The following PTPRC variants were observed in gnomAD, a reference collection of about 807,000 sequenced individuals.
The protein encoded by PTPRC is receptor-type tyrosine-protein phosphatase C.
Under a neutral mutation model 155.9 loss-of-function variants are expected in PTPRC, and 44 were observed. The observed-to-expected ratio is 0.28, with a 90% CI of 0.22 to 0.36. The LOEUF is 0.36. Ranked by LOEUF, PTPRC falls within the 10% of genes least tolerant of loss-of-function variation. The pLI is 1.00. For missense variants in PTPRC, 1,401 were observed against 1,564.6 expected (o/e 0.90, Z 1.76); for synonymous variants, 525 against 533.1 (o/e 0.98, Z 0.21).
rs559029320 is a variant in PTPRC, at chr1:198,754,616, A to AGTT, written c.3645+213_3645+215dup. Among the ~76,000 whole-genome samples the AGTT allele has an allele frequency of 1.8e-3, 280 of 152,086 alleles. 1 individual carries two copies. The highest frequency in any genetic ancestry group is 6.5e-3 in the African/African-American group (270 of 41,522). On this transcript the variant is annotated intron_variant, in intron 32 of 32. Coordinates refer to ENST00000442510, the MANE Select transcript of PTPRC (RefSeq NM_002838.5). ...ATTATAAGTCTAAATAAGAGCCTAA[A>AGTT]GTTTACTAGCACTTTGTTGTGACAG...
chr1:198,702,123 T>G (rs1183550927), intron 5 of PTPRC, among the ~76,000 whole-genome samples: 1 of 152,236 alleles, frequency 6.6e-6, no homozygotes, highest in Non-Finnish European at 1.5e-5. Flanking sequence ...CTTCTTGGGC[T>G]GTCCAAACTA....
At chr1:198,665,038 C>A (rs1664197746) in intron 2 of PTPRC, among the ~76,000 whole-genome samples, 1 of 147,700 alleles carries the variant, frequency 6.8e-6, no homozygotes, top group Non-Finnish European at 1.5e-5. Context: ...GGATTGGAGT[C>A]AGTACAAGGG....
intron 16 of PTPRC, 41 bp from the exon 17 acceptor site, chr1:198,729,096 C>T (rs1371016658): frequency 6.2e-7 from 1 of 1,601,234 alleles, no homozygotes; most frequent in African/African-American, 1.3e-5. Flanking sequence ...GAATTTTGTG[C>T]TTCTTGAGAA....
intron 2 of PTPRC, among the ~76,000 whole-genome samples, chr1:198,687,662 T>G (rs1180951378): frequency 6.6e-6 from 1 of 152,114 alleles, no homozygotes; most frequent in East Asian, 1.9e-4. Context: ...TTAACTAAGC[T>G]ATTTTATATA....
intron 26 of PTPRC, among the ~76,000 whole-genome samples, chr1:198,744,837 T>A (rs1207311470): frequency 1.3e-5 from 2 of 151,730 alleles, no homozygotes; most frequent in African/African-American, 4.8e-5. Context: ...ACTGGTAAAT[T>A]CAGAGTTTCT....
At chr1:198,709,387 T>G (rs1403517267) in intron 10 of PTPRC, among the ~76,000 whole-genome samples, 3 of 152,172 alleles carry the variant, frequency 2.0e-5, no homozygotes, top group Admixed American at 6.5e-5. Context: ...GCATTTGAAC[T>G]TGTGTCCTCT....
At chr1:198,745,896 G>C (rs192572362) in intron 26 of PTPRC, among the ~76,000 whole-genome samples, 1 of 151,766 alleles carries the variant, frequency 6.6e-6, no homozygotes, top group Admixed American at 6.6e-5. Flanking sequence ...CAGATTGCTA[G>C]GTTGAACATA....
chr1:198,749,829 T>G (rs960406462), intron 28 of PTPRC, among the ~76,000 whole-genome samples: 1 of 151,828 alleles, frequency 6.6e-6, no homozygotes, highest in African/African-American at 2.4e-5. Flanking sequence ...ATAGTAAAAT[T>G]TGAGCAAATA....
At chr1:198,661,116 A>G (rs924702062) in intron 2 of PTPRC, among the ~76,000 whole-genome samples, 2 of 152,130 alleles carry the variant, frequency 1.3e-5, no homozygotes, top group Admixed American at 1.3e-4. Context: ...ATATTTTGAA[A>G]TTTGTGGTTT....
chr1:198,733,216 T>G (rs938919790), intron 20 of PTPRC, among the ~76,000 whole-genome samples: 47 of 151,850 alleles, frequency 3.1e-4, no homozygotes, highest in Middle Eastern at 6.8e-3. Context: ...ATTCTTTTTG[T>G]CTCCCCAAAT....
intron 3 of PTPRC, chr1:198,695,313 T>C: frequency 1.9e-6 from 1 of 516,178 alleles, no homozygotes; most frequent in Non-Finnish European, 2.5e-6. Flanking sequence ...TTGCCCAATC[T>C]TGTTGAACTG....
At chr1:198,727,646 C>T (rs1654200886) in intron 15 of PTPRC, among the ~76,000 whole-genome samples, 1 of 152,118 alleles carries the variant, frequency 6.6e-6, no homozygotes, top group African/African-American at 2.4e-5. Context: ...AGCAGTCGGG[C>T]TCTGGAGCTG....
chr1:198,737,111 T>G (rs1204437057), intron 23 of PTPRC, among the ~76,000 whole-genome samples: 2 of 151,824 alleles, frequency 1.3e-5, no homozygotes, highest in Admixed American at 1.3e-4. Flanking sequence ...GATGGATAGT[T>G]GGCAAATATT....
At chr1:198,721,007 C>T (rs976742759) in intron 14 of PTPRC, among the ~76,000 whole-genome samples, 11 of 152,128 alleles carry the variant, frequency 7.2e-5, no homozygotes, top group Non-Finnish European at 1.0e-4. Context: ...CTCTTCAAAT[C>T]GTATAAGTTA....
rs1175829765 is a variant in PTPRC, at chr1:198,756,472, G to GAGAC, written c.*295_*298dup. 7.3e-6 allele frequency: 2 copies of GAGAC among 275,802 alleles called. No homozygotes were observed. Among genetic ancestry groups the GAGAC allele is most frequent in the Non-Finnish European group, 1.4e-5 (2 of 145,898 alleles). The allele number at this position is 275,802 out of a possible 1,614,324, so 17.1% of individuals were successfully genotyped here. A position where few individuals can be genotyped will look rare whatever the true frequency, so the allele number is the denominator to read the frequency against. On this transcript the variant is annotated 3_prime_UTR_variant, in exon 33 of 33. Coordinates refer to ENST00000442510, the MANE Select transcript of PTPRC (RefSeq NM_002838.5). ...TGTGTATGGGTGTGTGTTTGTGTGA[G>GAGAC]AGACAGAGAAAGAGAGAGAATTCTT... is the stretch of plus-strand genomic sequence containing the variant.
At chr1:198,714,302 C>A (rs181951389) in intron 12 of PTPRC, among the ~76,000 whole-genome samples, 25 of 152,148 alleles carry the variant, frequency 1.6e-4, no homozygotes, top group African/African-American at 5.8e-4. Flanking sequence ...ATATGGTAGA[C>A]ATTTTATGCA....
chr1:198,735,916 T>C lies in PTPRC; in HGVS notation c.2403+664T>C, dbSNP rs564621203. Among the ~76,000 whole-genome samples, 4 of 151,792 alleles carry C rather than the reference T, an allele frequency of 2.6e-5. No homozygotes were observed. In the South Asian group the frequency reaches 8.3e-4, roughly 31 times the overall value. On this transcript the variant is annotated intron_variant, in intron 23 of 32. Coordinates refer to ENST00000442510, the MANE Select transcript of PTPRC (RefSeq NM_002838.5). ...ATTTTGTGATGGTGAAAATGTTCTATAATTAGATATTGGTGATGGTTGTAC... is the reference window on the plus strand; with the variant it reads ...ATTTTGTGATGGTGAAAATGTTCTACAATTAGATATTGGTGATGGTTGTAC...
intron 12 of PTPRC, 45 bp from the exon 13 acceptor site, chr1:198,716,628 GTGGTAGTAC>G (rs1653598302): frequency 2.4e-5 from 36 of 1,486,424 alleles, no homozygotes; most frequent in Non-Finnish European, 3.4e-5. Flanking sequence ...AATTAGGTAC[GTGGTAGTAC>G]TGACTTTTAA....
At chr1:198,671,912 C>A (rs193290443) in intron 2 of PTPRC, among the ~76,000 whole-genome samples, 1 of 152,310 alleles carries the variant, frequency 6.6e-6, no homozygotes, top group Non-Finnish European at 1.5e-5. Context: ...TTGGGCCACT[C>A]ACATTTCTGC....
Sources: allele counts gnomAD v4.1 joint callset (sites outside exome capture counted in the v4.1 genomes callset), GRCh38; gene constraint gnomAD v4.1.1; transcripts MANE v1.5; gene names NCBI Gene and HGNC (gene_info 2026-07-23, HGNC 2026-07-21).